FOCAD: variants seen among roughly 807,000 people sequenced by gnomAD.
FOCAD encodes the protein focadhesin.
Under a neutral mutation model 225.6 loss-of-function variants are expected in FOCAD, and 198 were observed. The observed-to-expected ratio is 0.88, with a 90% CI of 0.78 to 0.99. FOCAD has a LOEUF of 0.99. Ranked by LOEUF, FOCAD falls within the 50% of genes least tolerant of loss-of-function variation. FOCAD has a pLI of 0.00. For synonymous variants in FOCAD, 897 were observed against 755.0 expected (o/e 1.19, Z -3.08); for missense variants, 2,713 against 2,123.6 (o/e 1.28, Z -5.46).
At chr9:20,846,166 C>T (rs1215350005) in intron 15 of FOCAD, among the ~76,000 whole-genome samples, 1 of 152,036 alleles carries the variant, frequency 6.6e-6, no homozygotes, top group African/African-American at 2.4e-5. Context: ...CTCGTGTGCC[C>T]TGTCCATTCA....
intron 43 of FOCAD, among the ~76,000 whole-genome samples, chr9:20,994,604 TC>T (rs1841921271): frequency 1.3e-5 from 2 of 152,210 alleles, no homozygotes; most frequent in South Asian, 4.1e-4. Context: ...GCAACAGTGC[TC>T]CCACATAACT....
At chr9:20,850,834 C>T (rs1277227410) in intron 15 of FOCAD, among the ~76,000 whole-genome samples, 5 of 148,464 alleles carry the variant, frequency 3.4e-5, no homozygotes, top group Middle Eastern at 3.2e-3. Flanking sequence ...GGTAATTTCC[C>T]CCTCTATATC....
chr9:20,676,586 C>T (rs1474102368), intron 2 of FOCAD, among the ~76,000 whole-genome samples: 1 of 152,156 alleles, frequency 6.6e-6, no homozygotes, highest in Admixed American at 6.5e-5. Context: ...AATATAGTTC[C>T]TGTGCTGTCA....
chr9:20,836,805 A>G (rs760306433), intron 15 of FOCAD, among the ~76,000 whole-genome samples: 2 of 152,064 alleles, frequency 1.3e-5, no homozygotes, highest in Admixed American at 1.3e-4. Context: ...CACATAAGTC[A>G]TATATGAAAC....
At chr9:20,774,986 A>G (rs1297769715) in intron 8 of FOCAD, among the ~76,000 whole-genome samples, 1 of 152,244 alleles carries the variant, frequency 6.6e-6, no homozygotes, top group Non-Finnish European at 1.5e-5. Flanking sequence ...TATATGTACT[A>G]CAATTTGAAA....
At chr9:20,811,302 C>G (rs967944897) in intron 11 of FOCAD, among the ~76,000 whole-genome samples, 1 of 151,988 alleles carries the variant, frequency 6.6e-6, no homozygotes, top group Non-Finnish European at 1.5e-5. Flanking sequence ...TCAGTACAAG[C>G]TTCAGTTTTC....
In FOCAD at chr9:20,720,510, T is replaced by C. The variant is rs1362489563; in HGVS notation, c.263T>C (p.Ile88Thr). The change falls in exon 4 of 44, where the codon ATA (isoleucine) becomes ACA (threonine). Residue 88 changes from isoleucine to threonine, a missense_variant. By Grantham distance (89) the Ile-to-Thr change is moderately conservative (BLOSUM62 -1). Coordinates refer to ENST00000338382, the MANE Select transcript of FOCAD (RefSeq NM_001375567.1). ...HAEFSYVLNG[I>T]LNLIPSTRNT... Reference sequence around the variant, plus strand: ...GAGTTCAGCTATGTTCTCAATGGGATACTCAACTTGATTCCATCAACCAGG... The same window carrying C: ...GAGTTCAGCTATGTTCTCAATGGGACACTCAACTTGATTCCATCAACCAGG... 1 of 1,613,950 alleles carries C rather than the reference T, an allele frequency of 6.2e-7. No homozygotes were observed. The highest frequency in any genetic ancestry group is 8.5e-7 in the Non-Finnish European group (1 of 1,179,972).
At chr9:20,809,629 C>G (rs1347576241) in intron 11 of FOCAD, among the ~76,000 whole-genome samples, 2 of 152,014 alleles carry the variant, frequency 1.3e-5, no homozygotes, top group Non-Finnish European at 2.9e-5. Flanking sequence ...TTTTGTCTTA[C>G]TTTTTGTCTA....
At chr9:20,830,186 T>C (rs923651018) in intron 15 of FOCAD, among the ~76,000 whole-genome samples, 2 of 152,110 alleles carry the variant, frequency 1.3e-5, no homozygotes, top group Admixed American at 6.6e-5. Context: ...AAAACTTTTT[T>C]TGAGAATGAT....
rs1825685550 is a variant in FOCAD at position 20,720,464 on chromosome 9, C to G, written c.217C>G (p.Leu73Val). ...AGCCTGCTGTGAAGGTCTGGTGGCACTCGTTGCTCAGGATCATGCAGAGTT... is the reference window on the plus strand; with the variant it reads ...AGCCTGCTGTGAAGGTCTGGTGGCAGTCGTTGCTCAGGATCATGCAGAGTT... ...RTACCEGLVA[L>V]VAQDHAEFSY... The change falls in exon 4 of 44, where the codon CTC (leucine) becomes GTC (valine). Residue 73 changes from leucine (L) to valine (V), a missense_variant. Coordinates refer to ENST00000338382, the MANE Select transcript of FOCAD (RefSeq NM_001375567.1). 6.2e-7 allele frequency: 1 copy of G among 1,613,932 alleles called. No homozygotes were observed. The highest frequency in any genetic ancestry group is 1.3e-5 in the African/African-American group (1 of 74,892).
chr9:20,945,989 C>T (rs1189889885), intron 29 of FOCAD, among the ~76,000 whole-genome samples: 1 of 151,956 alleles, frequency 6.6e-6, no homozygotes, highest in African/African-American at 2.4e-5. Flanking sequence ...GGTGACTTGC[C>T]CAAAGTTACT....
chr9:20,725,652 C>G (rs566210946), intron 4 of FOCAD, among the ~76,000 whole-genome samples: 1 of 152,194 alleles, frequency 6.6e-6, no homozygotes, highest in Non-Finnish European at 1.5e-5. Context: ...CTTTGGAACA[C>G]GTATGGAAGC....
intron 2 of FOCAD, among the ~76,000 whole-genome samples, chr9:20,676,255 A>G (rs540047953): frequency 2.0e-5 from 3 of 152,360 alleles, no homozygotes; most frequent in Non-Finnish European, 2.9e-5. Flanking sequence ...TTAATGATCA[A>G]TTCTGCAAAC....
intron 16 of FOCAD, among the ~76,000 whole-genome samples, chr9:20,865,514 G>A (rs1325797211): frequency 6.6e-6 from 1 of 152,046 alleles, no homozygotes; most frequent in Non-Finnish European, 1.5e-5. Flanking sequence ...CGCAGTCACT[G>A]CCTTAAGTAT....
At chr9:20,949,415 A>G (rs549651812) in intron 32 of FOCAD, among the ~76,000 whole-genome samples, 189 bp from the exon 33 acceptor site, 1 of 152,218 alleles carries the variant, frequency 6.6e-6, no homozygotes, top group Admixed American at 6.5e-5. Context: ...AACAGGTACC[A>G]GGAAATCAAT....
intron 15 of FOCAD, among the ~76,000 whole-genome samples, chr9:20,855,966 C>T (rs1422856048): frequency 6.6e-6 from 1 of 151,384 alleles, no homozygotes; most frequent in Non-Finnish European, 1.5e-5. Flanking sequence ...GTGTCTATAC[C>T]ACATTTTCTT....
chr9:20,810,848 A>C (rs2131349584), intron 11 of FOCAD, among the ~76,000 whole-genome samples: 1 of 152,152 alleles, frequency 6.6e-6, no homozygotes, highest in African/African-American at 2.4e-5. Context: ...ACTTTATCTT[A>C]TTCTAGTCTG....
chr9:20,905,116 A>G (rs1166617472), intron 21 of FOCAD, among the ~76,000 whole-genome samples: 1 of 151,980 alleles, frequency 6.6e-6, no homozygotes, highest in Non-Finnish European at 1.5e-5. Context: ...AGATTTGTGC[A>G]CAGCTGACTC....
intron 2 of FOCAD, among the ~76,000 whole-genome samples, chr9:20,668,558 G>C (rs984394172): frequency 1.3e-5 from 2 of 152,170 alleles, no homozygotes; most frequent in African/African-American, 4.8e-5. Flanking sequence ...GAAAAGAAGA[G>C]AAATTAGGAT....
Sources: gnomAD v4.1 joint callset for allele counts (sites outside exome capture counted in the v4.1 genomes callset) on GRCh38, gnomAD v4.1.1 for gene constraint, MANE v1.5 for transcripts, NCBI Gene and HGNC (gene_info 2026-07-23, HGNC 2026-07-21) for gene names.